Variants in MAP2K5 observed in about 807,000 individuals in gnomAD.
MAP2K5 encodes mitogen-activated protein kinase kinase 5, also known as dual specificity mitogen-activated protein kinase kinase 5.
A neutral mutation model predicts 83.1 loss-of-function variants in MAP2K5; 49 were observed. The observed-to-expected ratio is 0.59, with a 90% CI of 0.47 to 0.75. The LOEUF (loss-of-function observed/expected upper bound fraction) is 0.75. Among genes scored for constraint, MAP2K5 ranks in the 30% least tolerant of loss-of-function variants. MAP2K5 has a pLI of 0.00. For missense variants in MAP2K5, 457 were observed against 557.5 expected, an observed-to-expected ratio of 0.82 and a Z score of 1.82; for synonymous variants, 202 against 191.8, an observed-to-expected ratio of 1.05 and a Z score of -0.44.
intron 16 of MAP2K5, among the ~76,000 whole-genome samples, chr15:67,712,713 TC>T (rs1453885242): frequency 6.6e-6 from 1 of 151,958 alleles, no homozygotes; most frequent in African/African-American, 2.4e-5. Flanking sequence ...GGTCAGGAGA[TC>T]AAGACCATCC....
chr15:67,692,789 G>T (rs957150039), intron 14 of MAP2K5, among the ~76,000 whole-genome samples: 1 of 152,070 alleles, frequency 6.6e-6, no homozygotes, highest in Non-Finnish European at 1.5e-5. Flanking sequence ...TACTACTTAC[G>T]AATAGCAAAC....
rs575072622 is a variant in MAP2K5, at chr15:67,587,988, C to T, written c.431+1075C>T. 1 of 424,506 alleles carries T rather than the reference C, an allele frequency of 2.4e-6. No individual in the cohort carries two copies. The highest frequency in any genetic ancestry group is 6.4e-5 in the Admixed American group (1 of 15,584). 26.3% of individuals were successfully genotyped at this position (424,506 alleles called of 1,614,324 possible). ...CCACAGCCTCCTGAGAGTCTACTCC[C>T]TCCGTTCTTGGCCCATTCAGCCCCT... is the stretch of plus-strand genomic sequence containing the variant. On this transcript the variant is annotated intron_variant, in intron 6 of 21. Transcript: ENST00000178640. This position sits in a 1 kb window ranked among gnomAD's most constrained non-coding sequence, Gnocchi z 4.8.
At chr15:67,569,619 A>G (rs2084910692) in intron 3 of MAP2K5, among the ~76,000 whole-genome samples, 1 of 152,114 alleles carries the variant, frequency 6.6e-6, no homozygotes, top group Non-Finnish European at 1.5e-5. Flanking sequence ...GTTGTGATCT[A>G]TGTTGGAGCC....
chr15:67,545,990 C>T (rs535507871), intron 1 of MAP2K5, among the ~76,000 whole-genome samples: 5 of 152,194 alleles, frequency 3.3e-5, no homozygotes, highest in Admixed American at 2.6e-4. Context: ...ACGAGTGGCC[C>T]CACCACTAGA....
intron 11 of MAP2K5, among the ~76,000 whole-genome samples, chr15:67,656,345 G>A (rs2087078324): frequency 7.5e-6 from 1 of 133,738 alleles, no homozygotes. Flanking sequence ...TTTTTTTTGA[G>A]ACAGGGTCTT....
intron 2 of MAP2K5, among the ~76,000 whole-genome samples, chr15:67,551,548 G>A (rs980991551): frequency 2.6e-5 from 4 of 152,116 alleles, no homozygotes; most frequent in African/African-American, 9.7e-5. Flanking sequence ...GTCCAGGCTA[G>A]TCTTGAACTC....
rs1201537992 is a variant in MAP2K5 at position 67,747,597 on chromosome 15, T to A, written c.1075-634T>A. On this transcript the variant is annotated intron_variant, in intron 17 of 21. Transcript: ENST00000178640. This position sits in a 1 kb window ranked among gnomAD's most constrained non-coding sequence, Gnocchi z 4.1. ...GATCAGAAATGCGCTCTTACTGGAC[T>A]CTGCATTTATTCCCTAAAAATCAGT... Among the ~76,000 whole-genome samples, 1 of 152,238 alleles carries A rather than the reference T, an allele frequency of 6.6e-6. No individual in the cohort carries two copies. Among genetic ancestry groups the A allele is most frequent in the South Asian group, 2.1e-4 (1 of 4,830 alleles).
chr15:67,785,204 C>A lies in MAP2K5; in HGVS notation c.1242+12452C>A, dbSNP rs1480982372. 2.0e-5 allele frequency among the ~76,000 whole-genome samples: 3 copies of A among 152,318 alleles called. No homozygotes were observed. In the East Asian group the frequency reaches 5.8e-4, roughly 29 times the overall value. ...AAGTGATCCGCCTGCCTGGGCCTCT[C>A]AGAGTGCTGGGATTACAGGTGTGAG... On this transcript the variant is annotated intron_variant, in intron 21 of 21. Transcript: ENST00000178640. The surrounding 1 kb of genome is among the most constrained non-coding windows in gnomAD (Gnocchi z 4.4).
At position 67,559,859 on chromosome 15, in the gene MAP2K5, A is replaced by C. The variant is rs145116345; in HGVS notation, c.185-3424A>C. ...CGTTTTTTTGGTCAGATGGCAAAGA[A>C]CCTCCATGTATAAGATAGAAAAAGC... On this transcript the variant is annotated intron_variant, in intron 2 of 21. Coordinates refer to ENST00000178640, the MANE Select transcript of MAP2K5 (RefSeq NM_145160.3). The surrounding 1 kb of genome is among the most constrained non-coding windows in gnomAD (Gnocchi z 4.7). Among the ~76,000 whole-genome samples, 2 of 152,170 alleles carry C rather than the reference A, an allele frequency of 1.3e-5. No individual in the cohort carries two copies. The highest frequency in any genetic ancestry group is 4.8e-5 in the African/African-American group (2 of 41,524).
At chr15:67,575,079 T>C (rs1490233604) in intron 3 of MAP2K5, among the ~76,000 whole-genome samples, 1 of 152,008 alleles carries the variant, frequency 6.6e-6, no homozygotes, top group African/African-American at 2.4e-5. Context: ...TTTGGACCTG[T>C]TGAATTGGAG....
At position 67,779,666 on chromosome 15, in the gene MAP2K5, G is replaced by T. The variant is rs1340542080; in HGVS notation, c.1242+6914G>T. Among the ~76,000 whole-genome samples, 1 of 152,180 alleles carries T rather than the reference G, an allele frequency of 6.6e-6. No homozygotes were observed. The highest frequency in any genetic ancestry group is 1.5e-5 in the Non-Finnish European group (1 of 68,028). On this transcript the variant is annotated intron_variant, in intron 21 of 21. Coordinates refer to ENST00000178640, the MANE Select transcript of MAP2K5 (RefSeq NM_145160.3). The surrounding 1 kb of genome is among the most constrained non-coding windows in gnomAD (Gnocchi z 4.6). ...AGATCTCTTAGTATGATGATGACTT[G>T]CCTGTTTAAGATTGTAGTTATTTGA...
At chr15:67,627,722 C>A in intron 8 of MAP2K5, 1 of 248,700 alleles carries the variant, frequency 4.0e-6, no homozygotes, top group Non-Finnish European at 7.6e-6. Context: ...AGAATGTACC[C>A]TTAAAACAAG....
Position 67,794,640 on chromosome 15 carries a change from A to G in MAP2K5, c.1243-12006A>G, listed in dbSNP as rs1202603444. On this transcript the variant is annotated intron_variant, in intron 21 of 21. Coordinates refer to ENST00000178640, the MANE Select transcript of MAP2K5 (RefSeq NM_145160.3). This position sits in a 1 kb window ranked among gnomAD's most constrained non-coding sequence, Gnocchi z 4.6. ...GGTAACTCTGGAACATCACAGCTGA[A>G]AAAAAAAAAAAAAAAAAGACGGTAC... Among the ~76,000 whole-genome samples the G allele has an allele frequency of 0.1, 2,650 of 26,318 alleles. 55 individuals carry two copies. The highest frequency in any genetic ancestry group is 0.25 in the South Asian group (103 of 420). 17.3% of individuals were successfully genotyped at this position (26,318 alleles called of 152,430 possible).
In MAP2K5 at chr15:67,665,285, A is replaced by G. The variant is rs2087349606; in HGVS notation, c.847+640A>G. On this transcript the variant is annotated intron_variant, in intron 13 of 21. Transcript: ENST00000178640. The surrounding 1 kb of genome is among the most constrained non-coding windows in gnomAD (Gnocchi z 4.2). Reference sequence around the variant, plus strand: ...TAATCAGATGAGTGTTGAATATTGCAAAAGGAATCTCCTTTTGTTTTTTTA... The same window carrying G: ...TAATCAGATGAGTGTTGAATATTGCGAAAGGAATCTCCTTTTGTTTTTTTA... Among the ~76,000 whole-genome samples, 1 of 152,178 alleles carries G rather than the reference A, an allele frequency of 6.6e-6. No individual in the cohort carries two copies. Among genetic ancestry groups the G allele is most frequent in the Admixed American group, 6.5e-5 (1 of 15,272 alleles).
intron 9 of MAP2K5, among the ~76,000 whole-genome samples, chr15:67,634,367 CAAAAAAAAAAAAAAAAAAAAAAAAAA>C (rs71142390): frequency 0.32 from 15,678 of 48,644 alleles, 1,245 homozygotes; most frequent in Middle Eastern, 0.44. Flanking sequence ...GACCTCATCT[CAAAAAAAAAAAAAAAAAAAAAAAAAA>C]AAAAAAAAAA....
At chr15:67,679,006 G>A (rs374243793) in intron 13 of MAP2K5, among the ~76,000 whole-genome samples, 2 of 148,766 alleles carry the variant, frequency 1.3e-5, no homozygotes, top group East Asian at 3.9e-4. Flanking sequence ...GGAAATTACC[G>A]TTTGGGTCCC....
chr15:67,757,356 A>G lies in MAP2K5; in HGVS notation c.1134+8755A>G, dbSNP rs1951395538. Among the ~76,000 whole-genome samples, 1 of 152,178 alleles carries G rather than the reference A, an allele frequency of 6.6e-6. No homozygotes were observed. Among genetic ancestry groups the G allele is most frequent in the African/African-American group, 2.4e-5 (1 of 41,460 alleles). On this transcript the variant is annotated intron_variant, in intron 19 of 21. Coordinates refer to ENST00000178640, the MANE Select transcript of MAP2K5 (RefSeq NM_145160.3). This position sits in a 1 kb window ranked among gnomAD's most constrained non-coding sequence, Gnocchi z 4.9. ...CATTGATTCAATAGTTGATGTTCAC[A>G]CATTTCTAAAAGCCCTTGACCCCTT...
chr15:67,700,141 A>G (rs2088378705), intron 15 of MAP2K5, among the ~76,000 whole-genome samples: 1 of 152,204 alleles, frequency 6.6e-6, no homozygotes, highest in Non-Finnish European at 1.5e-5. Context: ...CTTTTGACAA[A>G]TATCGTTGTA....
intron 21 of MAP2K5, among the ~76,000 whole-genome samples, chr15:67,787,516 CCTT>C (rs2090440606): frequency 6.6e-6 from 1 of 152,194 alleles, no homozygotes; most frequent in South Asian, 2.1e-4. Flanking sequence ...ATCCTTCACT[CCTT>C]CTTCTAATGA....
Sources: allele counts gnomAD v4.1 joint callset (sites outside exome capture counted in the v4.1 genomes callset), GRCh38; gene constraint gnomAD v4.1.1; non-coding constraint Gnocchi (gnomAD v3.1); transcripts MANE v1.5; gene names NCBI Gene and HGNC (gene_info 2026-07-23, HGNC 2026-07-21).